Variants in EYA2 observed in about 807,000 individuals in gnomAD.
EYA2 encodes the protein EYA transcriptional coactivator and phosphatase 2.
Under a neutral mutation model 69.2 loss-of-function variants are expected in EYA2, and 31 were observed. The observed-to-expected ratio is 0.45, with a 90% CI of 0.34 to 0.60. The LOEUF is 0.60. Among genes scored for constraint, EYA2 ranks in the 20% least tolerant of loss-of-function variants. EYA2 has a pLI of 0.02. For synonymous variants in EYA2, 257 were observed against 279.4 expected (o/e 0.92, Z 0.80); for missense variants, 622 against 701.2 (o/e 0.89, Z 1.28).
intron 1 of EYA2, among the ~76,000 whole-genome samples, chr20:46,985,796 A>G (rs1357419364): frequency 6.6e-6 from 1 of 152,202 alleles, no homozygotes; most frequent in African/African-American, 2.4e-5. Context: ...CCAAAAATCT[A>G]GATTTTTATG....
intron 9 of EYA2, among the ~76,000 whole-genome samples, chr20:47,135,842 C>CAAAAAAAAAAAAAATA (rs1266669397): frequency 1.9e-5 from 1 of 54,026 alleles, no homozygotes; most frequent in Non-Finnish European, 2.9e-5. Flanking sequence ...AAAAAAAAAA[C>CAAAAAAAAAAAAAATA]AAACAAACAA....
intron 5 of EYA2, among the ~76,000 whole-genome samples, chr20:47,028,088 AAGAG>A (rs369549691): frequency 2.0e-5 from 3 of 152,076 alleles, no homozygotes; most frequent in Non-Finnish European, 2.9e-5. Context: ...TATAAAAAGA[AAGAG>A]AGAGAGAGAT....
At position 46,961,159 on chromosome 20, in the gene EYA2, AC is replaced by A. The variant is rs1280752663; in HGVS notation, c.-10-28838del. Among the ~76,000 whole-genome samples the A allele has an allele frequency of 3.3e-5, 5 of 151,622 alleles. No homozygotes were observed. The East Asian group carries it at 9.7e-4, about 29-fold the overall frequency. On this transcript the variant is annotated intron_variant, in intron 1 of 15. Transcript: ENST00000327619. ...AGACCAGCCTGCCCAACACAGTGAA[AC>A]CCCGTCTCTACTAAAAATACAAAAA...
chr20:47,082,868 A>G (rs1412645036), intron 7 of EYA2, among the ~76,000 whole-genome samples: 1 of 151,938 alleles, frequency 6.6e-6, no homozygotes, highest in Non-Finnish European at 1.5e-5. Context: ...TGGCATAAAA[A>G]TAGACAAATA....
chr20:47,182,996 C>T (rs748379360), intron 14 of EYA2, among the ~76,000 whole-genome samples: 10 of 152,154 alleles, frequency 6.6e-5, no homozygotes, highest in Non-Finnish European at 1.3e-4. Flanking sequence ...GCATCCATTG[C>T]CACTTCTACA....
intron 9 of EYA2, chr20:47,117,591 T>C (rs2032935981): frequency 3.1e-6 from 3 of 969,416 alleles, no homozygotes; most frequent in Non-Finnish European, 2.5e-6. Flanking sequence ...TCAGATCCAG[T>C]TGGCGATAGG....
chr20:47,069,773 G>A (rs536203230), intron 5 of EYA2, among the ~76,000 whole-genome samples: 1 of 152,142 alleles, frequency 6.6e-6, no homozygotes, highest in East Asian at 1.9e-4. Flanking sequence ...AATAAAATCA[G>A]TGGGAGAAAG....
intron 1 of EYA2, among the ~76,000 whole-genome samples, chr20:46,912,129 A>C (rs1368341976): frequency 6.6e-6 from 1 of 152,156 alleles, no homozygotes; most frequent in Non-Finnish European, 1.5e-5. Context: ...GGCTTGTTGG[A>C]GAGTGAGCAG....
chr20:47,020,046 G>A (rs180850221), intron 5 of EYA2, among the ~76,000 whole-genome samples: 2 of 151,372 alleles, frequency 1.3e-5, no homozygotes, highest in Non-Finnish European at 2.9e-5. Context: ...GAGGTGGAAG[G>A]ATTGCTTGAG....
chr20:47,154,859 G>GTGTT (rs35016620), intron 10 of EYA2, among the ~76,000 whole-genome samples: 7 of 144,310 alleles, frequency 4.9e-5, no homozygotes, highest in African/African-American at 5.1e-5. Context: ...GTGTGTGTGT[G>GTGTT]TTTTGAGATG....
At position 46,987,916 on chromosome 20, in the gene EYA2, G is replaced by GACACTCTCTCTCTCTCTCTCTCTC. The variant is rs56288405; in HGVS notation, c.-10-2085_-10-2084insACACTCTCTCTCTCTCTCTCTCTC. ...TACTCCAGCCTGGAAGACAGAGTAA[G>GACACTCTCTCTCTCTCTCTCTCTC]TCTCTCTCTCTCTCTCTCTCTCTCT... On this transcript the variant is annotated intron_variant, in intron 1 of 15. Transcript: ENST00000327619. 1.5e-4 allele frequency among the ~76,000 whole-genome samples: 3 copies of GACACTCTCTCTCTCTCTCTCTCTC among 20,374 alleles called. 1 individual carries two copies. The highest frequency in any genetic ancestry group is 5.5e-3 in the South Asian group (2 of 366). 13.4% of individuals were successfully genotyped at this position (20,374 alleles called of 152,430 possible). A position where few individuals can be genotyped will look rare whatever the true frequency, so the allele number is the denominator to read the frequency against.
At chr20:47,101,211 A>T (rs2032414122) in intron 9 of EYA2, among the ~76,000 whole-genome samples, 1 of 152,162 alleles carries the variant, frequency 6.6e-6, no homozygotes, top group South Asian at 2.1e-4. Context: ...GAGCTTCCTG[A>T]GTAGCTGGGA....
At chr20:47,150,460 C>CTGGGTTATTTGGAGGGA (rs1484108853) in intron 10 of EYA2, among the ~76,000 whole-genome samples, 1 of 152,022 alleles carries the variant, frequency 6.6e-6, no homozygotes, top group East Asian at 1.9e-4. Context: ...CCAGGCACAG[C>CTGGGTTATTTGGAGGGA]GGCTTCCTTT....
At chr20:47,002,413 G>A (rs149060669) in intron 3 of EYA2, among the ~76,000 whole-genome samples, 2 of 152,018 alleles carry the variant, frequency 1.3e-5, no homozygotes, top group African/African-American at 2.4e-5. Context: ...GTGTCCATGT[G>A]TTCTCATTGT....
At chr20:47,057,510 A>AC (rs796462817) in intron 5 of EYA2, among the ~76,000 whole-genome samples, 15,686 of 94,286 alleles carry the variant, frequency 0.17, 980 homozygotes, top group Middle Eastern at 0.24. Flanking sequence ...TTTTTATATC[A>AC]CCCCCCCCCC....
intron 2 of EYA2, among the ~76,000 whole-genome samples, chr20:46,992,307 A>G: frequency 6.6e-6 from 1 of 152,234 alleles, no homozygotes; most frequent in East Asian, 1.9e-4. Flanking sequence ...ACCAAAATGC[A>G]GAGAGGTTAA....
At chr20:47,140,460 G>A (rs947016) in intron 9 of EYA2, among the ~76,000 whole-genome samples, 2,612 of 152,126 alleles carry the variant, frequency 0.017, 111 homozygotes, top group East Asian at 0.16. Context: ...GGGTCAAAAA[G>A]GGTTTATGTC....
At chr20:47,174,388 C>T (rs2034388404) in intron 12 of EYA2, among the ~76,000 whole-genome samples, 1 of 152,178 alleles carries the variant, frequency 6.6e-6, no homozygotes, top group African/African-American at 2.4e-5. Flanking sequence ...ACTTCTGCTT[C>T]CCTGGATTAT....
chr20:46,938,512 C>T (rs1320839772), intron 1 of EYA2, among the ~76,000 whole-genome samples: 1 of 152,140 alleles, frequency 6.6e-6, no homozygotes, highest in African/African-American at 2.4e-5. Flanking sequence ...GCTGGGGCTG[C>T]CTTCACATCA....
Sources: gnomAD v4.1 joint callset for allele counts (sites outside exome capture counted in the v4.1 genomes callset) on GRCh38, gnomAD v4.1.1 for gene constraint, MANE v1.5 for transcripts, NCBI Gene and HGNC (gene_info 2026-07-23, HGNC 2026-07-21) for gene names.